The following ITIH5 variants were observed in gnomAD, a reference collection of about 807,000 sequenced individuals.
The protein encoded by ITIH5 is inter-alpha-trypsin inhibitor heavy chain H5.
Under a neutral mutation model 77.5 loss-of-function variants are expected in ITIH5, and 65 were observed. That is an observed-to-expected ratio of 0.84 (90% CI 0.69 to 1.03). The LOEUF (loss-of-function observed/expected upper bound fraction) is 1.03, where lower values mean the gene tolerates loss of function less well. ITIH5 is among the 50% of genes least tolerant of loss of function. The pLI is 0.00. For synonymous variants in ITIH5, 525 were observed against 494.3 expected, an observed-to-expected ratio of 1.06 and a Z score of -0.82; for missense variants, 1,208 against 1,213.1, an observed-to-expected ratio of 1.00 and a Z score of 0.06.
chr10:7,649,054 C>T (rs191281778), intron 2 of ITIH5, among the ~76,000 whole-genome samples: 6 of 152,214 alleles, frequency 3.9e-5, no homozygotes, highest in South Asian at 4.2e-4. Context: ...CAATTAGGCA[C>T]GAGTCTATCC....
intron 7 of ITIH5, among the ~76,000 whole-genome samples, chr10:7,606,514 A>T (rs1833128807): frequency 6.6e-6 from 1 of 152,200 alleles, no homozygotes; most frequent in South Asian, 2.1e-4. Context: ...TGAAAAACAA[A>T]TACTGTATAC....
rs529695159 is a variant in ITIH5, at chr10:7,573,041, G to A, written c.2032+101C>T. 163 of 1,127,666 alleles carry A rather than the reference G, an allele frequency of 1.4e-4. No individual in the cohort carries two copies. In the African/African-American group the frequency reaches 2.3e-3, roughly 16 times the overall value. 69.9% of individuals were successfully genotyped at this position (1,127,666 alleles called of 1,614,324 possible). A position where few individuals can be genotyped will look rare whatever the true frequency, so the allele number is the denominator to read the frequency against. On this transcript the variant is annotated intron_variant, in intron 11 of 13. Transcript: ENST00000397146. ...AATACACCCACCTCGGCCTCCCAAA[G>A]TGCTGGGATTACAGGCGTGAGCCAG...
At chr10:7,595,562 C>T (rs570572882) in intron 7 of ITIH5, among the ~76,000 whole-genome samples, 5 of 152,316 alleles carry the variant, frequency 3.3e-5, no homozygotes, top group South Asian at 2.1e-4. Context: ...TCTTCTTATA[C>T]GTACTTCACT....
intron 7 of ITIH5, among the ~76,000 whole-genome samples, chr10:7,601,450 C>T (rs79658386): frequency 0.11 from 16,099 of 152,272 alleles, 1,186 homozygotes; most frequent in Admixed American, 0.19. Context: ...AAATCATAAA[C>T]ACTACTGCAC....
chr10:7,575,005 T>C (rs1832380843), intron 10 of ITIH5, among the ~76,000 whole-genome samples: 1 of 152,128 alleles, frequency 6.6e-6, no homozygotes, highest in African/African-American at 2.4e-5. Context: ...TAGAAAGTGA[T>C]AGCATCCTGC....
At chr10:7,624,910 T>C (rs1180923460) in intron 5 of ITIH5, among the ~76,000 whole-genome samples, 1 of 143,356 alleles carries the variant, frequency 7.0e-6, no homozygotes, top group African/African-American at 2.6e-5. Context: ...CATACATATA[T>C]ATATATATAT....
At chr10:7,632,106 G>C (rs911273674) in intron 5 of ITIH5, among the ~76,000 whole-genome samples, 1 of 151,896 alleles carries the variant, frequency 6.6e-6, no homozygotes, top group African/African-American at 2.4e-5. Flanking sequence ...GCCCAATCTT[G>C]TTTAATTTAA....
chr10:7,651,129 T>C (rs1834093138), intron 2 of ITIH5, among the ~76,000 whole-genome samples: 1 of 152,152 alleles, frequency 6.6e-6, no homozygotes, highest in Non-Finnish European at 1.5e-5. Flanking sequence ...TTGTTTTCTA[T>C]ATTCTTGATG....
At chr10:7,584,328 CAG>C (rs1351461253) in intron 8 of ITIH5, among the ~76,000 whole-genome samples, 1 of 139,754 alleles carries the variant, frequency 7.2e-6, no homozygotes, top group Non-Finnish European at 1.5e-5. Context: ...TTTTTTGAGA[CAG>C]AGTCTCGCTG....
At chr10:7,577,621 A>ACATTTGCTTG (rs1320797139) in intron 9 of ITIH5, among the ~76,000 whole-genome samples, 1 of 152,262 alleles carries the variant, frequency 6.6e-6, no homozygotes, top group Non-Finnish European at 1.5e-5. Context: ...TGTGCGTATA[A>ACATTTGCTTG]CATTTGCTTG....
chr10:7,565,978 G>T, intron 13 of ITIH5, 52 bp downstream of exon 13: 1 of 1,557,816 alleles, frequency 6.4e-7, no homozygotes. Context: ...CTTTGCTTGG[G>T]AAATGTAACT....
chr10:7,581,264 G>GA (rs71383920), intron 8 of ITIH5, among the ~76,000 whole-genome samples: 40,858 of 151,520 alleles, frequency 0.27, 5,773 homozygotes, highest in Admixed American at 0.35. Flanking sequence ...GGTCTCAACA[G>GA]AAAAAATAAA....
At chr10:7,615,648 G>T (rs1031857357) in intron 7 of ITIH5, among the ~76,000 whole-genome samples, 4 of 152,132 alleles carry the variant, frequency 2.6e-5, no homozygotes, top group Middle Eastern at 3.2e-3. Flanking sequence ...TGTTCTCAAA[G>T]GAATCATCGC....
rs17142818 is a variant in ITIH5 at position 7,573,367 on chromosome 10, C to T, written c.1979-172G>A. Among the ~76,000 whole-genome samples the T allele has an allele frequency of 0.051, 7,682 of 151,610 alleles. 284 individuals are homozygous for T. The highest frequency in any genetic ancestry group is 0.12 in the Admixed American group (1,884 of 15,178). ...ATCAGTCTTAAAAAGGGAGCTTGGC[C>T]TCAAAACACACAAGCAGAGCCAGGC... is the stretch of plus-strand genomic sequence containing the variant. On this transcript the variant is annotated intron_variant, in intron 10 of 13. Transcript: ENST00000397146.
At chr10:7,605,773 C>T (rs201129151) in intron 7 of ITIH5, among the ~76,000 whole-genome samples, 1 of 25,282 alleles carries the variant, frequency 4.0e-5, no homozygotes, top group Non-Finnish European at 1.2e-4. Context: ...AAGCACTTCT[C>T]ATTTAATTCT....
At chr10:7,573,074 G>A in intron 11 of ITIH5, 68 bp downstream of exon 11, 2 of 1,457,134 alleles carry the variant, frequency 1.4e-6, no homozygotes, top group Non-Finnish European at 1.9e-6. Flanking sequence ...CAGTACACCT[G>A]GCCTGGTTTT....
intron 2 of ITIH5, among the ~76,000 whole-genome samples, chr10:7,654,345 T>C (rs150200626): frequency 9.8e-5 from 15 of 152,346 alleles, no homozygotes; most frequent in African/African-American, 3.4e-4. Flanking sequence ...CTATTCTCCA[T>C]GAATCTCTGG....
intron 5 of ITIH5, among the ~76,000 whole-genome samples, chr10:7,626,027 A>G (rs1179193676): frequency 1.3e-5 from 2 of 152,196 alleles, no homozygotes; most frequent in Admixed American, 6.5e-5. Context: ...AGCTGGGCAG[A>G]TGGACAGAGC....
chr10:7,582,108 C>T (rs974321481), intron 8 of ITIH5, among the ~76,000 whole-genome samples: 1 of 151,928 alleles, frequency 6.6e-6, no homozygotes, highest in Non-Finnish European at 1.5e-5. Flanking sequence ...ATTTCCTGAC[C>T]TTGTGATCTG....
Sources: allele counts gnomAD v4.1 joint callset (sites outside exome capture counted in the v4.1 genomes callset), GRCh38; gene constraint gnomAD v4.1.1; transcripts MANE v1.5; gene names NCBI Gene and HGNC (gene_info 2026-07-23, HGNC 2026-07-21).